The following ROBO2 variants were observed in gnomAD, a reference collection of about 807,000 sequenced individuals.
ROBO2 encodes roundabout guidance receptor 2.
ROBO2 carries 53 observed loss-of-function variants against 160.8 expected under a neutral mutation model. The ratio of observed to expected loss-of-function variants is 0.33; its 90% confidence interval spans 0.26 to 0.41. ROBO2 has a LOEUF of 0.41. Ranked by LOEUF, ROBO2 falls within the 10% of genes least tolerant of loss-of-function variation. The pLI is 1.00. For synonymous variants in ROBO2, 664 were observed against 611.7 expected (o/e 1.09, Z -1.26); for missense variants, 1,577 against 1,722.4 (o/e 0.92, Z 1.49).
intron 2 of ROBO2, among the ~76,000 whole-genome samples, chr3:76,672,904 T>C (rs1414507471): frequency 6.6e-6 from 1 of 152,210 alleles, no homozygotes; most frequent in Admixed American, 6.5e-5. Context: ...TAATGTGTTA[T>C]ATTTTCATTT....
In ROBO2 at chr3:76,027,043, G is replaced by T. The variant is rs149438286; in HGVS notation, c.109+89441G>T. Among the ~76,000 whole-genome samples the T allele has an allele frequency of 5.5e-3, 837 of 151,974 alleles. 8 individuals carry two copies. Among genetic ancestry groups the T allele is most frequent in the African/African-American group, 0.019 (809 of 41,492 alleles). Reference sequence around the variant, plus strand: ...GATGCAAAGAAAGCCCACCAAAAGAGATTTCAATCATTTCTATCGTTCTAT... The same window carrying T: ...GATGCAAAGAAAGCCCACCAAAAGATATTTCAATCATTTCTATCGTTCTAT... On this transcript the variant is annotated intron_variant, in intron 2 of 26. Coordinates refer to the ROBO2 transcript ENST00000487694.
intron 2 of ROBO2, among the ~76,000 whole-genome samples, chr3:76,077,292 G>A (rs2068674500): frequency 6.6e-6 from 1 of 152,306 alleles, no homozygotes; most frequent in Non-Finnish European, 1.5e-5. Context: ...GCCGGGTGAA[G>A]TGGCTCATGC....
At position 77,493,402 on chromosome 3, in the gene ROBO2, G is replaced by A. The variant is rs368883949; in HGVS notation, c.806+20G>A. 2 of 1,612,350 alleles carry A rather than the reference G, an allele frequency of 1.2e-6. No homozygotes were observed. Among genetic ancestry groups the A allele is most frequent in the African/African-American group, 2.7e-5 (2 of 74,800 alleles). On this transcript the variant is annotated intron_variant, in intron 5 of 25. Transcript: ENST00000461745. ...AGGAAGGTAAGACCAACATATGGAT[G>A]GAAGATTGTTAGATAACCAATGAAT...
intron 2 of ROBO2, among the ~76,000 whole-genome samples, chr3:77,200,887 T>G (rs2082848017): frequency 6.6e-6 from 1 of 152,148 alleles, no homozygotes; most frequent in Non-Finnish European, 1.5e-5. Flanking sequence ...GCACACCTTT[T>G]GCCCACCAAG....
intron 2 of ROBO2, among the ~76,000 whole-genome samples, chr3:77,125,570 T>C (rs539693719): frequency 2.6e-5 from 4 of 152,254 alleles, no homozygotes; most frequent in Admixed American, 2.0e-4. Context: ...AGACAAACGC[T>C]GACCAAGCTA....
At chr3:77,246,609 A>G (rs1000202363) in intron 2 of ROBO2, among the ~76,000 whole-genome samples, 8 of 152,154 alleles carry the variant, frequency 5.3e-5, no homozygotes, top group African/African-American at 9.7e-5. Flanking sequence ...ACACTTCAGC[A>G]TGCTCCAGGG....
At chr3:76,382,614 A>T (rs551914873) in intron 2 of ROBO2, among the ~76,000 whole-genome samples, 3 of 152,206 alleles carry the variant, frequency 2.0e-5, no homozygotes, top group Non-Finnish European at 2.9e-5. Flanking sequence ...AAGCTTCTTC[A>T]GGAGGCCTAA....
chr3:77,574,976 T>C (rs1055971933), intron 14 of ROBO2, among the ~76,000 whole-genome samples: 1 of 152,166 alleles, frequency 6.6e-6, no homozygotes, highest in Non-Finnish European at 1.5e-5. Flanking sequence ...TTCACTTGAA[T>C]TGGATTATTA....
chr3:76,052,464 A>G (rs571381638), intron 2 of ROBO2, among the ~76,000 whole-genome samples: 59 of 152,016 alleles, frequency 3.9e-4, no homozygotes, highest in African/African-American at 1.3e-3. Flanking sequence ...TCATACCCCA[A>G]TTATTTCATG....
At chr3:77,647,780 T>C (rs766627935) in exon 26 of ROBO2, 10 of 152,138 alleles carry the variant, frequency 6.6e-5, no homozygotes, top group Non-Finnish European at 1.3e-4. Flanking sequence ...CTAAAAATAT[T>C]CAACGTGATT....
rs777629598 is a variant in ROBO2 at position 76,884,021 on chromosome 3, CTGTA to C, written c.110-213990_110-213987del. Among the ~76,000 whole-genome samples, 4 of 152,170 alleles carry C rather than the reference CTGTA, an allele frequency of 2.6e-5. No homozygotes were observed. In the East Asian group the frequency reaches 5.8e-4, roughly 22 times the overall value. On this transcript the variant is annotated intron_variant, in intron 2 of 26. Coordinates refer to the ROBO2 transcript ENST00000487694. ...TAATTAATAAACATTTATCAATCCT[CTGTA>C]TGAGTGCACTAGGGGGTTTAATCAT...
At chr3:77,411,216 C>A (rs2076773373) in intron 2 of ROBO2, among the ~76,000 whole-genome samples, 2 of 152,138 alleles carry the variant, frequency 1.3e-5, no homozygotes, top group Non-Finnish European at 2.9e-5. Flanking sequence ...GGAACAAAGT[C>A]CTGCTCTTGA....
At chr3:76,068,219 G>T (rs1490140666) in intron 2 of ROBO2, among the ~76,000 whole-genome samples, 5 of 152,154 alleles carry the variant, frequency 3.3e-5, no homozygotes, top group African/African-American at 9.7e-5. Context: ...TTGAGGGAGG[G>T]TAAGGAGCTC....
intron 2 of ROBO2, among the ~76,000 whole-genome samples, chr3:76,208,759 G>A (rs376941325): frequency 5.3e-5 from 8 of 152,042 alleles, no homozygotes; most frequent in Admixed American, 1.3e-4. Context: ...TGAAGCACAT[G>A]TATCCTTTCC....
At chr3:76,747,751 T>C (rs568716780) in intron 2 of ROBO2, among the ~76,000 whole-genome samples, 172 of 152,090 alleles carry the variant, frequency 1.1e-3, no homozygotes, top group Non-Finnish European at 2.1e-3. Flanking sequence ...AACATACATT[T>C]GGTCCTTGTC....
At chr3:76,945,968 G>A (rs1456407767) in intron 2 of ROBO2, among the ~76,000 whole-genome samples, 1 of 152,084 alleles carries the variant, frequency 6.6e-6, no homozygotes, top group African/African-American at 2.4e-5. Context: ...TTCTGCTTTT[G>A]TTGCATGCCT....
intron 23 of ROBO2, among the ~76,000 whole-genome samples, chr3:77,626,315 CTATGTT>C (rs1167946732): frequency 6.6e-6 from 1 of 152,062 alleles, no homozygotes; most frequent in Non-Finnish European, 1.5e-5. Context: ...ACATTCAGTT[CTATGTT>C]TATTTAAAGT....
intron 2 of ROBO2, among the ~76,000 whole-genome samples, chr3:76,625,360 TACTC>T (rs1164010609): frequency 3.9e-5 from 6 of 152,184 alleles, no homozygotes; most frequent in Non-Finnish European, 8.8e-5. Flanking sequence ...TTAAACAACT[TACTC>T]AATATTGTGC....
rs185744503 is a variant in ROBO2, at chr3:76,058,564, C to T, written c.109+120962C>T. 1.1e-3 allele frequency among the ~76,000 whole-genome samples: 148 copies of T among 131,720 alleles called. 1 individual carries two copies. In the Middle Eastern group the frequency reaches 0.03, roughly 26 times the overall value. The allele number at this position is 131,720 out of a possible 152,430, so 86.4% of individuals were successfully genotyped here. The stretch of plus-strand genomic sequence containing the variant: ...CCACTTGATGAACGTTGCACATGAA[C>T]TATCACACGTCGAAACAGCAGAAAC... On this transcript the variant is annotated intron_variant, in intron 2 of 26. Transcript: ENST00000487694.
Sources: allele counts gnomAD v4.1 joint callset (sites outside exome capture counted in the v4.1 genomes callset), GRCh38; gene constraint gnomAD v4.1.1; transcripts MANE v1.5; gene names NCBI Gene and HGNC (gene_info 2026-07-23, HGNC 2026-07-21).